Variants in ASCC3 observed in about 807,000 individuals in gnomAD.
ASCC3 encodes ASC-1 complex subunit P200.
Under a neutral mutation model 256.3 loss-of-function variants are expected in ASCC3, and 158 were observed. The observed-to-expected ratio is 0.62, with a 90% CI of 0.54 to 0.70. The LOEUF (loss-of-function observed/expected upper bound fraction) is 0.70. ASCC3 is among the 30% of genes least tolerant of loss of function. ASCC3 has a pLI of 0.00. For synonymous variants in ASCC3, 948 were observed against 883.4 expected (o/e 1.07, Z -1.30); for missense variants, 2,259 against 2,626.0 (o/e 0.86, Z 3.05).
At chr6:100,658,285 C>G in intron 16 of ASCC3, among the ~76,000 whole-genome samples, 1 of 151,298 alleles carries the variant, frequency 6.6e-6, no homozygotes, top group East Asian at 1.9e-4. Context: ...AATAAAATCC[C>G]CCACGAATTT....
At chr6:100,648,274 C>T (rs1042406072) in intron 20 of ASCC3, among the ~76,000 whole-genome samples, 4 of 152,032 alleles carry the variant, frequency 2.6e-5, no homozygotes, top group Non-Finnish European at 4.4e-5. Flanking sequence ...ATTTATTTTG[C>T]CTCCACTCCT....
At chr6:100,801,600 T>A (rs1335793642) in intron 5 of ASCC3, among the ~76,000 whole-genome samples, 1 of 152,038 alleles carries the variant, frequency 6.6e-6, no homozygotes, top group Non-Finnish European at 1.5e-5. Flanking sequence ...AATGGCTTTA[T>A]AAGGCCTAAA....
chr6:100,704,676 G>A (rs1429109433), intron 13 of ASCC3, among the ~76,000 whole-genome samples: 1 of 121,708 alleles, frequency 8.2e-6, no homozygotes, highest in Non-Finnish European at 1.9e-5. Context: ...AATGAGGAAA[G>A]AGAAAATAAG....
chr6:100,562,956 A>AT (rs1010545770), intron 36 of ASCC3, among the ~76,000 whole-genome samples: 12 of 149,482 alleles, frequency 8.0e-5, no homozygotes, highest in South Asian at 6.4e-4. Flanking sequence ...AAAGGTTGCC[A>AT]TTTTTTTTTC....
intron 13 of ASCC3, among the ~76,000 whole-genome samples, chr6:100,683,124 ATCTT>A (rs1554213788): frequency 6.6e-6 from 1 of 152,152 alleles, no homozygotes; most frequent in Non-Finnish European, 1.5e-5. Flanking sequence ...CCCCAATAAT[ATCTT>A]TATTTACCTA....
chr6:100,754,946 T>A (rs2101814), intron 10 of ASCC3, among the ~76,000 whole-genome samples: 52,544 of 151,970 alleles, frequency 0.35, 10,738 homozygotes, highest in Middle Eastern at 0.53. Flanking sequence ...TCCTCCTTCA[T>A]CTTCCATCGT....
chr6:100,787,017 T>C (rs1274910478), intron 8 of ASCC3, among the ~76,000 whole-genome samples: 1 of 152,178 alleles, frequency 6.6e-6, no homozygotes, highest in African/African-American at 2.4e-5. Flanking sequence ...AGATTTTAAG[T>C]GGCAGACAGA....
chr6:100,525,621 T>G (rs1179235899), intron 37 of ASCC3, among the ~76,000 whole-genome samples: 1 of 152,090 alleles, frequency 6.6e-6, no homozygotes, highest in South Asian at 2.1e-4. Flanking sequence ...AAAAGGATAT[T>G]AGGTGAAAAA....
At chr6:100,680,821 A>G (rs1362225907) in intron 13 of ASCC3, among the ~76,000 whole-genome samples, 3 of 150,118 alleles carry the variant, frequency 2.0e-5, no homozygotes, top group Non-Finnish European at 4.5e-5. Flanking sequence ...CTCCTCTGTT[A>G]GTTACATTTT....
At chr6:100,572,299 A>G (rs975462440) in intron 36 of ASCC3, among the ~76,000 whole-genome samples, 2 of 152,194 alleles carry the variant, frequency 1.3e-5, no homozygotes, top group Non-Finnish European at 2.9e-5. Flanking sequence ...GAAGATGGCC[A>G]TGTTTGCACC....
intron 2 of ASCC3, among the ~76,000 whole-genome samples, chr6:100,864,735 A>G (rs1773399565): frequency 6.6e-6 from 1 of 152,190 alleles, no homozygotes; most frequent in Non-Finnish European, 1.5e-5. Context: ...CATTTGGAAG[A>G]TTCTTTTCTA....
At chr6:100,640,145 A>G (rs1775048757) in intron 24 of ASCC3, among the ~76,000 whole-genome samples, 1 of 152,138 alleles carries the variant, frequency 6.6e-6, no homozygotes, top group Non-Finnish European at 1.5e-5. Flanking sequence ...AAAAAATAAT[A>G]GAGAAGGAAG....
chr6:100,711,068 T>A (rs1778831967), intron 13 of ASCC3, among the ~76,000 whole-genome samples: 1 of 152,090 alleles, frequency 6.6e-6, no homozygotes, highest in African/African-American at 2.4e-5. Flanking sequence ...TAGGAAAAAA[T>A]TTTCAGAAAT....
intron 30 of ASCC3, among the ~76,000 whole-genome samples, chr6:100,624,933 T>TA (rs1774151709): frequency 6.6e-6 from 1 of 151,902 alleles, no homozygotes; most frequent in Non-Finnish European, 1.5e-5. Flanking sequence ...AGTGAATACT[T>TA]AAAGAATATG....
At chr6:100,727,301 T>G (rs532929705) in intron 10 of ASCC3, among the ~76,000 whole-genome samples, 1 of 152,124 alleles carries the variant, frequency 6.6e-6, no homozygotes, top group Admixed American at 6.6e-5. Context: ...CCAGAGATAG[T>G]GCTTCACTGA....
chr6:100,709,783 G>A lies in ASCC3; in HGVS notation c.2151+5679C>T, dbSNP rs1778782179. Among the ~76,000 whole-genome samples the A allele has an allele frequency of 2.0e-5, 3 of 152,144 alleles. No individual in the cohort carries two copies. In the South Asian group the frequency reaches 6.2e-4, roughly 32 times the overall value. On this transcript the variant is annotated intron_variant, in intron 13 of 41. Coordinates refer to ENST00000369162, the MANE Select transcript of ASCC3 (RefSeq NM_006828.4). ...AAGTTTGAAGGAGCAAAATTAAAAG[G>A]CACATGTGTGAATGGATAAAAGACT...
intron 10 of ASCC3, among the ~76,000 whole-genome samples, chr6:100,737,775 A>G (rs1347534683): frequency 1.3e-5 from 2 of 152,252 alleles, no homozygotes; most frequent in Admixed American, 1.3e-4. Flanking sequence ...AAATGGTATT[A>G]CTGCTCTAGG....
chr6:100,877,188 G>A (rs1317657661), intron 1 of ASCC3, among the ~76,000 whole-genome samples: 1 of 152,040 alleles, frequency 6.6e-6, no homozygotes, highest in East Asian at 1.9e-4. Flanking sequence ...TTCCTAATAA[G>A]TTTAAAGTCA....
intron 36 of ASCC3, among the ~76,000 whole-genome samples, chr6:100,573,187 A>G (rs1039863844): frequency 1.3e-5 from 2 of 152,158 alleles, no homozygotes; most frequent in African/African-American, 4.8e-5. Flanking sequence ...AATATTGGAA[A>G]TGATCACTCC....
Sources: allele counts gnomAD v4.1 joint callset (sites outside exome capture counted in the v4.1 genomes callset), GRCh38; gene constraint gnomAD v4.1.1; transcripts MANE v1.5; gene names NCBI Gene and HGNC (gene_info 2026-07-23, HGNC 2026-07-21).